Variants in TNIK observed in about 807,000 individuals in gnomAD.
TNIK encodes TRAF2 and NCK-interacting protein kinase.
Under a neutral mutation model 191.3 loss-of-function variants are expected in TNIK, and 49 were observed. That is an observed-to-expected ratio of 0.26 (90% CI 0.20 to 0.32). TNIK has a LOEUF of 0.32. Among genes scored for constraint, TNIK ranks in the 10% least tolerant of loss-of-function variants. The pLI is 1.00. For synonymous variants in TNIK, 594 were observed against 600.9 expected (o/e 0.99, Z 0.17); for missense variants, 1,155 against 1,702.3 (o/e 0.68, Z 5.66).
intron 15 of TNIK, among the ~76,000 whole-genome samples, chr3:171,131,349 A>G (rs1729255062): frequency 9.3e-6 from 1 of 107,982 alleles, no homozygotes; most frequent in East Asian, 2.0e-4. Context: ...AAAAAAAAAA[A>G]AAAAAAAAAA....
At chr3:171,346,375 A>T (rs1712190412) in intron 2 of TNIK, among the ~76,000 whole-genome samples, 1 of 152,104 alleles carries the variant, frequency 6.6e-6, no homozygotes, top group Non-Finnish European at 1.5e-5. Context: ...TTTTCTGATG[A>T]CTTGGATATG....
intron 2 of TNIK, among the ~76,000 whole-genome samples, chr3:171,261,898 A>G (rs182919024): frequency 1.7e-4 from 26 of 152,350 alleles, no homozygotes; most frequent in Admixed American, 1.1e-3. Context: ...TGGTTTGGGT[A>G]GAAAAATCCT....
chr3:171,272,481 G>A (rs1428244816), intron 2 of TNIK, among the ~76,000 whole-genome samples: 1 of 152,194 alleles, frequency 6.6e-6, no homozygotes, highest in Non-Finnish European at 1.5e-5. Context: ...TCCCTGAAGT[G>A]TCCGTTTGGT....
chr3:171,066,534 G>T (rs201987759), intron 31 of TNIK, 42 bp downstream of exon 31: 25 of 1,609,716 alleles, frequency 1.6e-5, no homozygotes, highest in East Asian at 1.3e-4. Context: ...GTTTCATTTG[G>T]GGGGTGTAAC....
intron 1 of TNIK, among the ~76,000 whole-genome samples, chr3:171,410,505 C>A (rs530203199): frequency 6.6e-6 from 1 of 152,070 alleles, no homozygotes; most frequent in East Asian, 1.9e-4. Context: ...CTGGGCTGGG[C>A]GCATTGGCTC....
At position 171,074,343 on chromosome 3, in the gene TNIK, A is replaced by G. The variant is rs151031691; in HGVS notation, c.3449-3020T>C. On this transcript the variant is annotated intron_variant, in intron 28 of 32. Transcript: ENST00000436636. The stretch of plus-strand genomic sequence containing the variant: ...ACATGGACACAAAGCTGGAAATAAT[A>G]GACACTGAGGACTCTAAAAGGGGAG... Among the ~76,000 whole-genome samples, 856 of 152,268 alleles carry G rather than the reference A, an allele frequency of 5.6e-3. 10 individuals are homozygous for G. The highest frequency in any genetic ancestry group is 0.02 in the African/African-American group (816 of 41,560).
Position 171,062,298 on chromosome 3 carries a change from T to TA in TNIK, c.*1582dup. 6.6e-6 allele frequency: 1 copy of TA among 152,268 alleles called. No individual in the cohort carries two copies. Among genetic ancestry groups the TA allele is most frequent in the East Asian group, 1.9e-4 (1 of 5,190 alleles). The allele number at this position is 152,268 out of a possible 1,614,324, so 9.4% of individuals were successfully genotyped here. Reference sequence around the variant, plus strand: ...AATTTGGTCAACTACTGTTTCGTTTTAAAAATGTTAAATGCACCTGAGATT... The same window carrying TA: ...AATTTGGTCAACTACTGTTTCGTTTTAAAAAATGTTAAATGCACCTGAGATT... On this transcript the variant is annotated 3_prime_UTR_variant, in exon 33 of 33. Transcript: ENST00000436636.
intron 24 of TNIK, 23 bp downstream of exon 24, chr3:171,087,319 G>A: frequency 1.2e-6 from 2 of 1,613,254 alleles, no homozygotes; most frequent in Non-Finnish European, 1.7e-6. Flanking sequence ...GAACTGTCAT[G>A]TCAGCTGTTG....
intron 9 of TNIK, among the ~76,000 whole-genome samples, chr3:171,168,440 A>G (rs1734886619): frequency 6.6e-6 from 1 of 152,160 alleles, no homozygotes; most frequent in Admixed American, 6.5e-5. Context: ...AGGTGCCCTC[A>G]CCACACAGAA....
chr3:171,416,064 C>A (rs1212357935), intron 1 of TNIK, among the ~76,000 whole-genome samples: 1 of 151,666 alleles, frequency 6.6e-6, no homozygotes, highest in Non-Finnish European at 1.5e-5. Context: ...CCAACATTCC[C>A]CTTCTACCCC....
intron 21 of TNIK, 178 bp from the exon 22 acceptor site, chr3:171,101,811 A>G (rs1453570045): frequency 8.0e-6 from 5 of 622,774 alleles, no homozygotes; most frequent in Admixed American, 6.8e-5. Flanking sequence ...TAGAAGCTAG[A>G]AAAGAAAGAT....
chr3:171,385,430 G>A (rs1718595548), intron 1 of TNIK, among the ~76,000 whole-genome samples: 1 of 152,128 alleles, frequency 6.6e-6, no homozygotes, highest in African/African-American at 2.4e-5. Context: ...AACATTTGCT[G>A]GAGGAACCTC....
intron 2 of TNIK, among the ~76,000 whole-genome samples, chr3:171,327,215 T>C (rs1368316353): frequency 1.3e-5 from 2 of 152,180 alleles, no homozygotes; most frequent in Non-Finnish European, 2.9e-5. Flanking sequence ...GAGAGGTAAA[T>C]GATCCTGAGT....
At chr3:171,300,387 A>G (rs1051409380) in intron 2 of TNIK, among the ~76,000 whole-genome samples, 34 of 152,228 alleles carry the variant, frequency 2.2e-4, no homozygotes, top group Non-Finnish European at 2.8e-4. Context: ...TCATCATGAC[A>G]TATCTTGAAG....
chr3:171,145,088 C>CTCT (rs1553835022), intron 12 of TNIK, among the ~76,000 whole-genome samples: 2 of 132,642 alleles, frequency 1.5e-5, no homozygotes, highest in African/African-American at 5.8e-5. Context: ...CTATCTCTCT[C>CTCT]TTTTTTTTTT....
At chr3:171,438,701 A>G (rs1726348253) in intron 1 of TNIK, among the ~76,000 whole-genome samples, 1 of 152,238 alleles carries the variant, frequency 6.6e-6, no homozygotes, top group Admixed American at 6.5e-5. Context: ...GGGGACCTAG[A>G]TGATGAACCA....
intron 1 of TNIK, among the ~76,000 whole-genome samples, chr3:171,382,591 G>A (rs1306549117): frequency 1.3e-5 from 2 of 152,148 alleles, no homozygotes; most frequent in Non-Finnish European, 2.9e-5. Context: ...TCTTGAAGCT[G>A]GCTGGGGCCA....
intron 1 of TNIK, among the ~76,000 whole-genome samples, chr3:171,381,388 G>A (rs962810403): frequency 6.6e-6 from 1 of 152,100 alleles, no homozygotes; most frequent in Non-Finnish European, 1.5e-5. Context: ...CCAAGACAGG[G>A]CAAAGCTTTT....
intron 1 of TNIK, among the ~76,000 whole-genome samples, chr3:171,382,300 A>T (rs1220703661): frequency 7.0e-6 from 1 of 142,802 alleles, no homozygotes; most frequent in Admixed American, 8.0e-5. Flanking sequence ...AGCTCACTGC[A>T]ACCTCCGTCT....
Sources: allele counts gnomAD v4.1 joint callset (sites outside exome capture counted in the v4.1 genomes callset), GRCh38; gene constraint gnomAD v4.1.1; transcripts MANE v1.5; gene names NCBI Gene and HGNC (gene_info 2026-07-23, HGNC 2026-07-21).